The following OTUD7B variants were observed in gnomAD, a reference collection of about 807,000 sequenced individuals.
The protein encoded by OTUD7B is OTU domain-containing protein 7B.
A neutral mutation model predicts 82.2 loss-of-function variants in OTUD7B; 34 were observed. That is an observed-to-expected ratio of 0.41 (90% CI 0.31 to 0.55). OTUD7B has a LOEUF of 0.55. Among genes scored for constraint, OTUD7B ranks in the 20% least tolerant of loss-of-function variants. The pLI, the probability that OTUD7B is intolerant of heterozygous loss-of-function variation, is 0.20. For missense variants in OTUD7B, 944 were observed against 1,062.1 expected (o/e 0.89, Z 1.55); for synonymous variants, 398 against 402.7 (o/e 0.99, Z 0.14).
rs1197809285 is a variant in OTUD7B at position 149,948,207 on chromosome 1, G to T, written c.1238+762C>A. ...TTGGCCAGGCTGGTCTCAAACTCCCGACCTCAGGTGATCTGCCTGCCTCGG... is the reference window on the plus strand; with the variant it reads ...TTGGCCAGGCTGGTCTCAAACTCCCTACCTCAGGTGATCTGCCTGCCTCGG... On this transcript the variant is annotated intron_variant, in intron 10 of 11. Transcript: ENST00000581312. Among the ~76,000 whole-genome samples, 16 of 150,750 alleles carry T rather than the reference G, an allele frequency of 1.1e-4. No individual in the cohort carries two copies. In the Admixed American group the frequency reaches 1.1e-3, roughly 10 times the overall value.
chr1:149,985,746 G>GGA (rs587704031), intron 1 of OTUD7B, among the ~76,000 whole-genome samples: 4 of 145,358 alleles, frequency 2.8e-5, no homozygotes, highest in African/African-American at 1.0e-4. Flanking sequence ...GACCCTGTAT[G>GGA]AAAAAAAAAA....
Position 149,945,050 on chromosome 1 carries a change from G to C in OTUD7B, c.1339C>G (p.Pro447Ala), listed in dbSNP as rs782083123. 2.3e-5 allele frequency: 37 copies of C among 1,613,600 alleles called. No homozygotes were observed. Among genetic ancestry groups the C allele is most frequent in the Non-Finnish European group, 1.6e-5 (19 of 1,179,922 alleles). The change falls in exon 12 of 12, where the codon CCT becomes GCT. Residue 447 changes from proline to alanine, a missense_variant. Pro to Ala is a conservative substitution (Grantham distance 27). Transcript: ENST00000581312. The stretch of plus-strand genomic sequence containing the variant: ...CCAGCTGAGGCGGTGGGGGACTCAG[G>C]CTGGGCCAGAGGAGCCTGGAAGAGA... ...SSDAQAPLAQ[P>A]ESPTASAGDE...
upstream of OTUD7B, chr1:150,010,738 G>C (rs1249915065): frequency 3.3e-5 from 5 of 152,300 alleles, no homozygotes; most frequent in African/African-American, 1.2e-4. Context: ...GCTTTCTGCT[G>C]TCCGGCCGGA....
intron 7 of OTUD7B, among the ~76,000 whole-genome samples, chr1:149,957,430 A>G (rs6684987): frequency 0.29 from 43,836 of 149,994 alleles, 7,282 homozygotes; most frequent in African/African-American, 0.42. Flanking sequence ...GCTGTATAAG[A>G]TGTCAGTCAG....
the OTUD7B span, among the ~76,000 whole-genome samples, chr1:150,050,885 C>G: frequency 6.8e-6 from 1 of 147,440 alleles, no homozygotes; most frequent in Non-Finnish European, 1.5e-5. Flanking sequence ...GAAATTGATC[C>G]TGTCTTTAAT....
In OTUD7B at chr1:149,944,270, G is replaced by A; in HGVS notation, c.2119C>T (p.His707Tyr). ...AACTGCCTCCGGGGTTCCTGGCAGT[G>A]GACTCCGCCCCCAGACGGCCGAGGG... Reference protein sequence around the residue: ...TIPRPSGGGVHCQEPRRQLAG... With the variant: ...TIPRPSGGGVYCQEPRRQLAG... Residue 707 changes from histidine (H) to tyrosine (Y), a missense_variant, in exon 12 of 12, where the codon CAC (histidine) becomes TAC (tyrosine). By Grantham distance (83) the His-to-Tyr change is moderately conservative. This residue lies in a region of OTUD7B where 412 missense variants were observed against 418.7 expected (regional missense o/e 0.98). Coordinates refer to ENST00000581312, the MANE Select transcript of OTUD7B (RefSeq NM_020205.4). 1 of 1,611,024 alleles carries A rather than the reference G, an allele frequency of 6.2e-7. No homozygotes were observed. Among genetic ancestry groups the A allele is most frequent in the South Asian group, 1.1e-5 (1 of 90,728 alleles).
Position 149,942,737 on chromosome 1 carries a change from T to C in OTUD7B, c.*1120A>G, listed in dbSNP as rs1647343899. ...AAAAGAAGCCGGGATGTTAAGTTCA[T>C]TCTCCAAAAGTAGAGCAAAGGGAGA... On this transcript the variant is annotated 3_prime_UTR_variant, in exon 12 of 12. Transcript: ENST00000581312. 6.6e-6 allele frequency: 1 copy of C among 152,620 alleles called. No homozygotes were observed. Among genetic ancestry groups the C allele is most frequent in the African/African-American group, 2.4e-5 (1 of 41,426 alleles). The allele number at this position is 152,620 out of a possible 1,614,324, so 9.5% of individuals were successfully genotyped here. A position where few individuals can be genotyped will look rare whatever the true frequency, so the allele number is the denominator to read the frequency against.
At chr1:150,042,141 CCCTTCCTTCCTCCCTTCCTT>C in the OTUD7B span, among the ~76,000 whole-genome samples, 1 of 91,044 alleles carries the variant, frequency 1.1e-5, no homozygotes. Context: ...CTCCCTCCCT[CCCTTCCTTCCTCCCTTCCTT>C]CCTTCCTTCC....
the OTUD7B span, among the ~76,000 whole-genome samples, chr1:150,022,384 C>T: frequency 2.2e-4 from 23 of 105,270 alleles, no homozygotes; most frequent in African/African-American, 8.7e-4. Context: ...GGTGACAGAG[C>T]GAAACTCTCT....
intron 2 of OTUD7B, among the ~76,000 whole-genome samples, chr1:149,972,704 A>G (rs1650019887): frequency 6.6e-6 from 1 of 152,186 alleles, no homozygotes; most frequent in African/African-American, 2.4e-5. Flanking sequence ...AGCATCTAGA[A>G]CAGTACCTGG....
chr1:149,968,997 G>A (rs1463585941), intron 3 of OTUD7B, among the ~76,000 whole-genome samples: 3 of 151,952 alleles, frequency 2.0e-5, no homozygotes, highest in East Asian at 1.9e-4. Flanking sequence ...GATTACAGGC[G>A]TGAGCCACCA....
At chr1:150,027,396 G>A in the OTUD7B span, among the ~76,000 whole-genome samples, 1 of 152,108 alleles carries the variant, frequency 6.6e-6, no homozygotes. Context: ...GACCAGCCTG[G>A]CCAACGTGGT....
rs1440478364 is a variant in OTUD7B at position 149,941,382 on chromosome 1, T to G, written c.*2475A>C. 6.6e-6 allele frequency: 1 copy of G among 152,306 alleles called. No individual in the cohort carries two copies. Among genetic ancestry groups the G allele is most frequent in the Non-Finnish European group, 1.5e-5 (1 of 68,030 alleles). The allele number at this position is 152,306 out of a possible 1,614,324, so 9.4% of individuals were successfully genotyped here. A position where few individuals can be genotyped will look rare whatever the true frequency, so the allele number is the denominator to read the frequency against. ...GAAGGCCTAAATTAGGAAAGCTAGGTGAGCTGTGCAAATTCAGGGTGTCTG... is the reference window on the plus strand; with the variant it reads ...GAAGGCCTAAATTAGGAAAGCTAGGGGAGCTGTGCAAATTCAGGGTGTCTG... On this transcript the variant is annotated 3_prime_UTR_variant, in exon 12 of 12. Transcript: ENST00000581312.
At position 150,003,607 on chromosome 1, in the gene OTUD7B, A is replaced by G. The variant is rs142000383; in HGVS notation, c.-67+6841T>C. Among the ~76,000 whole-genome samples, 515 of 152,184 alleles carry G rather than the reference A, an allele frequency of 3.4e-3. 5 individuals are homozygous for G. Among genetic ancestry groups the G allele is most frequent in the South Asian group, 0.023 (109 of 4,812 alleles). ...CACTTCATTCTATCTATATATTTACATATCTGTCTCCTCCCACTAGACCCA... is the reference window on the plus strand; with the variant it reads ...CACTTCATTCTATCTATATATTTACGTATCTGTCTCCTCCCACTAGACCCA... On this transcript the variant is annotated intron_variant, in intron 1 of 11. Coordinates refer to ENST00000581312, the MANE Select transcript of OTUD7B (RefSeq NM_020205.4).
chr1:149,982,939 C>T (rs1401957047), intron 1 of OTUD7B, among the ~76,000 whole-genome samples: 4 of 151,438 alleles, frequency 2.6e-5, no homozygotes, highest in East Asian at 1.9e-4. Flanking sequence ...CTCCGCCCCC[C>T]GGGTTCACGC....
chr1:149,995,466 C>A (rs1553783135), intron 1 of OTUD7B, among the ~76,000 whole-genome samples: 1 of 152,144 alleles, frequency 6.6e-6, no homozygotes, highest in Non-Finnish European at 1.5e-5. Context: ...GTAATCCCAA[C>A]TACTAGGAAG....
intron 5 of OTUD7B, among the ~76,000 whole-genome samples, chr1:149,965,521 C>T (rs1280266523): frequency 6.6e-6 from 1 of 152,210 alleles, no homozygotes; most frequent in Non-Finnish European, 1.5e-5. Context: ...ACTCATTACT[C>T]CTGGGGTCAG....
chr1:149,943,552 C>T lies in OTUD7B; in HGVS notation c.*305G>A. The T allele has an allele frequency of 3.8e-6, 1 of 262,376 alleles. No homozygotes were observed. The highest frequency in any genetic ancestry group is 7.3e-6 in the Non-Finnish European group (1 of 136,782). The allele number at this position is 262,376 out of a possible 1,614,324, so 16.3% of individuals were successfully genotyped here. A position where few individuals can be genotyped will look rare whatever the true frequency, so the allele number is the denominator to read the frequency against. ...ACACCAAACCTTCCCCTGCTACTTT[C>T]TCTTAGGTCCCTGGATGGGACCCAG... On this transcript the variant is annotated 3_prime_UTR_variant, in exon 12 of 12. Transcript: ENST00000581312.
rs782634220 is a variant in OTUD7B at position 149,985,604 on chromosome 1, C to T, written c.-66-8028G>A. The stretch of plus-strand genomic sequence containing the variant: ...AAATTAATTAATTAATTTAATTAGT[C>T]GGGTGTGGAGGTGCACTCCTGTAGT... On this transcript the variant is annotated intron_variant, in intron 1 of 11. Transcript: ENST00000581312. Among the ~76,000 whole-genome samples, 3 of 151,892 alleles carry T rather than the reference C, an allele frequency of 2.0e-5. No homozygotes were observed. In the East Asian group the frequency reaches 5.8e-4, roughly 29 times the overall value.
Sources: gnomAD v4.1 joint callset for allele counts (sites outside exome capture counted in the v4.1 genomes callset) on GRCh38, gnomAD v4.1.1 for gene constraint, gnomAD v4.1.1 regional missense constraint, MANE v1.5 for transcripts, NCBI Gene and HGNC (gene_info 2026-07-23, HGNC 2026-07-21) for gene names.